RPA3: variants seen among roughly 807,000 people sequenced by gnomAD.
The protein encoded by RPA3 is replication protein A 14 kDa subunit.
A neutral mutation model predicts 13.7 loss-of-function variants in RPA3; 24 were observed. The ratio of observed to expected loss-of-function variants is 1.75; its 90% CI spans 1.27 to 2.46. The LOEUF is 2.46. Ranked by LOEUF, RPA3 falls within the 30% of genes most tolerant of loss-of-function variation. RPA3 has a pLI of 0.00. For missense variants in RPA3, 183 were observed against 151.0 expected (o/e 1.21, Z -1.11); for synonymous variants, 59 against 51.2 (o/e 1.15, Z -0.65).
chr7:7,673,421 C>T (rs1779661326), intron 4 of RPA3: 1 of 1,016,234 alleles, frequency 9.8e-7, no homozygotes, highest in Non-Finnish European at 1.5e-6. Flanking sequence ...CCCTCAGTAC[C>T]AGAGACAGAA....
chr7:7,694,398 C>T (rs995665409), intron 2 of RPA3, among the ~76,000 whole-genome samples: 1 of 152,074 alleles, frequency 6.6e-6, no homozygotes, highest in Admixed American at 6.6e-5. Context: ...TGTACCCCCT[C>T]AGTTATTCTA....
At chr7:7,643,724 A>T (rs966020667) in intron 4 of RPA3, among the ~76,000 whole-genome samples, 4 of 5,446 alleles carry the variant, frequency 7.3e-4, no homozygotes, top group Admixed American at 7.2e-3. Flanking sequence ...AAAAAAAAAA[A>T]ACAAACAAAC....
intron 4 of RPA3, among the ~76,000 whole-genome samples, chr7:7,667,803 G>T (rs1488027594): frequency 6.6e-6 from 1 of 152,154 alleles, no homozygotes; most frequent in Non-Finnish European, 1.5e-5. Context: ...AAGTGTTTCT[G>T]GTCTCTGCTG....
intron 4 of RPA3, among the ~76,000 whole-genome samples, chr7:7,648,158 G>C (rs752478482): frequency 6.6e-6 from 1 of 152,192 alleles, no homozygotes; most frequent in Non-Finnish European, 1.5e-5. Flanking sequence ...TCTTAAAGAA[G>C]TCATTTCGTT....
At chr7:7,709,528 G>T (rs1780695237) in intron 2 of RPA3, among the ~76,000 whole-genome samples, 1 of 152,232 alleles carries the variant, frequency 6.6e-6, no homozygotes, top group Admixed American at 6.5e-5. Flanking sequence ...ACTTGAAGTT[G>T]AAAGAAAAGT....
chr7:7,716,304 T>G (rs929070165), intron 1 of RPA3, among the ~76,000 whole-genome samples: 1 of 152,224 alleles, frequency 6.6e-6, no homozygotes, highest in Non-Finnish European at 1.5e-5. Context: ...GTATTTATTC[T>G]TATAACTTCA....
chr7:7,637,067 T>C lies in RPA3; in HGVS notation c.299A>G (p.Asn100Ser), dbSNP rs1212102835. 6.8e-6 allele frequency: 11 copies of C among 1,610,828 alleles called. No individual in the cohort carries two copies. The highest frequency in any genetic ancestry group is 1.1e-5 in the South Asian group (1 of 90,996). The change falls in exon 8 of 8, where the codon AAT (asparagine) becomes AGT (serine). Residue 100 changes from asparagine to serine, a missense_variant. Coordinates refer to ENST00000223129, the MANE Select transcript of RPA3 (RefSeq NM_002947.5). ...DSHPFDLGLY[N>S]EAVKIIHDFP... is the part of the protein sequence containing the mutation. ...GTCATGGATAATTTTCACAGCTTCA[T>C]TGTAAAGTCCAAGATCTGAAAGAAA...
intron 7 of RPA3, among the ~76,000 whole-genome samples, 171 bp from the exon 8 acceptor site, chr7:7,637,253 G>A (rs987692557): frequency 3.9e-5 from 6 of 152,038 alleles, no homozygotes; most frequent in African/African-American, 1.4e-4. Context: ...CCAAAAAAAA[G>A]ACATGGGAGT....
intron 4 of RPA3, among the ~76,000 whole-genome samples, chr7:7,645,634 T>A (rs1486884934): frequency 6.6e-6 from 1 of 152,204 alleles, no homozygotes; most frequent in East Asian, 1.9e-4. Context: ...CCTAGTTTGA[T>A]AAGCATTTTA....
intron 1 of RPA3, among the ~76,000 whole-genome samples, chr7:7,717,207 C>T (rs1780937935): frequency 6.6e-6 from 1 of 152,050 alleles, no homozygotes; most frequent in African/African-American, 2.4e-5. Context: ...CCGGTATGCG[C>T]CACCACGCCC....
intron 4 of RPA3, among the ~76,000 whole-genome samples, chr7:7,681,391 G>T (rs1388580240): frequency 6.6e-6 from 1 of 152,054 alleles, no homozygotes; most frequent in Non-Finnish European, 1.5e-5. Context: ...ACTTGTTTTG[G>T]TAATAGGAAT....
At chr7:7,645,766 T>C (rs2115545241) in intron 4 of RPA3, among the ~76,000 whole-genome samples, 1 of 152,328 alleles carries the variant, frequency 6.6e-6, no homozygotes, top group South Asian at 2.1e-4. Context: ...TTATGATATA[T>C]TGTCTTTTAT....
At position 7,640,489 on chromosome 7, in the gene RPA3, A is replaced by G. The variant is rs1273050536; in HGVS notation, c.-71T>C. On this transcript the variant is annotated 5_prime_UTR_variant, in exon 5 of 8. Transcript: ENST00000223129. ...GAAACTGTGCGCCCCGCGGGTGTCTATGGGGCAGATTTCTCGGCACCAATC... is the reference window on the plus strand; with the variant it reads ...GAAACTGTGCGCCCCGCGGGTGTCTGTGGGGCAGATTTCTCGGCACCAATC... 3 of 1,412,018 alleles carry G rather than the reference A, an allele frequency of 2.1e-6. No individual in the cohort carries two copies. Among genetic ancestry groups the G allele is most frequent in the Non-Finnish European group, 1.0e-6 (1 of 1,002,914 alleles). The allele number at this position is 1,412,018 out of a possible 1,614,324, so 87.5% of individuals were successfully genotyped here. A position where few individuals can be genotyped will look rare whatever the true frequency, so the allele number is the denominator to read the frequency against.
intron 4 of RPA3, among the ~76,000 whole-genome samples, chr7:7,647,542 T>C (rs962353876): frequency 4.6e-5 from 7 of 152,228 alleles, no homozygotes; most frequent in African/African-American, 1.7e-4. Flanking sequence ...TCGATAAATA[T>C]GTGACATAGC....
intron 2 of RPA3, among the ~76,000 whole-genome samples, chr7:7,713,459 G>A (rs757510195): frequency 6.8e-6 from 1 of 147,370 alleles, no homozygotes; most frequent in Non-Finnish European, 1.5e-5. Flanking sequence ...TTTTCATTAT[G>A]TTCTGCTCCT....
At chr7:7,690,309 A>G (rs916124858) in intron 2 of RPA3, among the ~76,000 whole-genome samples, 12 of 152,186 alleles carry the variant, frequency 7.9e-5, no homozygotes, top group Admixed American at 5.9e-4. Flanking sequence ...GAAGTTCAGG[A>G]GAAAAATTGA....
chr7:7,684,051 A>C (rs1027663406), intron 4 of RPA3, among the ~76,000 whole-genome samples: 1 of 152,218 alleles, frequency 6.6e-6, no homozygotes, highest in Non-Finnish European at 1.5e-5. Flanking sequence ...TAGTTTTTGC[A>C]TGTGACCTAC....
intron 4 of RPA3, among the ~76,000 whole-genome samples, chr7:7,662,471 T>C (rs1785499122): frequency 6.6e-6 from 1 of 152,214 alleles, no homozygotes; most frequent in South Asian, 2.1e-4. Context: ...TCTCCTGGTC[T>C]GTGGGTTGCG....
intron 2 of RPA3, among the ~76,000 whole-genome samples, chr7:7,694,141 A>G (rs566633435): frequency 4.7e-4 from 71 of 152,304 alleles, no homozygotes; most frequent in Non-Finnish European, 7.8e-4. Flanking sequence ...GTCATATTTG[A>G]GCATTCCAAA....
Sources: allele counts gnomAD v4.1 joint callset (sites outside exome capture counted in the v4.1 genomes callset), GRCh38; gene constraint gnomAD v4.1.1; transcripts MANE v1.5; gene names NCBI Gene and HGNC (gene_info 2026-07-23, HGNC 2026-07-21).